LIN7A: variants seen among roughly 807,000 people sequenced by gnomAD.
LIN7A encodes the protein lin-7 cell polarity scaffold A, also known as protein lin-7 homolog A.
A neutral mutation model predicts 29.8 loss-of-function variants in LIN7A; 25 were observed. The observed-to-expected ratio is 0.84, with a 90% CI of 0.61 to 1.17. The LOEUF (loss-of-function observed/expected upper bound fraction) is 1.17, where lower values mean the gene tolerates loss of function less well. LIN7A is among the 50% of genes most tolerant of loss of function. LIN7A has a pLI of 0.00. For missense variants in LIN7A, 239 were observed against 287.0 expected (o/e 0.83, Z 1.21); for synonymous variants, 118 against 107.5 (o/e 1.10, Z -0.60).
At chr12:80,832,093 G>C (rs2121528078) in intron 4 of LIN7A, among the ~76,000 whole-genome samples, 1 of 152,270 alleles carries the variant, frequency 6.6e-6, no homozygotes, top group Middle Eastern at 3.4e-3. Flanking sequence ...AAAAAGAAGA[G>C]TGGTGAGGCT....
chr12:80,921,341 G>C (rs1877290350), intron 1 of LIN7A, among the ~76,000 whole-genome samples: 1 of 151,340 alleles, frequency 6.6e-6, no homozygotes, highest in African/African-American at 2.4e-5. Flanking sequence ...AGCCCAAATA[G>C]ACTAAAGCAG....
At chr12:80,818,416 G>A (rs1871637819) in intron 4 of LIN7A, among the ~76,000 whole-genome samples, 4 of 152,272 alleles carry the variant, frequency 2.6e-5, no homozygotes, top group Middle Eastern at 6.8e-3. Flanking sequence ...CAACATATCT[G>A]TTAAAAAGGT....
intron 5 of LIN7A, among the ~76,000 whole-genome samples, chr12:80,804,935 G>GC (rs550087505): frequency 0.016 from 2,505 of 152,136 alleles, 69 homozygotes; most frequent in African/African-American, 0.057. Context: ...ATCTGTTGAT[G>GC]GACACTTAGG....
chr12:80,864,775 G>A (rs1361645291), intron 2 of LIN7A, among the ~76,000 whole-genome samples: 1 of 152,154 alleles, frequency 6.6e-6, no homozygotes, highest in Non-Finnish European at 1.5e-5. Flanking sequence ...AGAGAAAGTA[G>A]GTCAGTTTTA....
At chr12:80,829,010 A>C (rs1592869505) in intron 4 of LIN7A, among the ~76,000 whole-genome samples, 1 of 152,198 alleles carries the variant, frequency 6.6e-6, no homozygotes, top group East Asian at 1.9e-4. Flanking sequence ...TTACATATTT[A>C]TTGTATATTT....
At position 80,807,075 on chromosome 12, in the gene LIN7A, T is replaced by TTTTTG. The variant is rs1565883786; in HGVS notation, c.*4389_*4390insCAAAA. On this transcript the variant is annotated intron_variant, in intron 5 of 5. Coordinates refer to ENST00000552864, the MANE Select transcript of LIN7A (RefSeq NM_004664.4). Reference sequence around the variant, plus strand: ...TAATGAAGATGGAGTTTTTTTTTTTTTTTTTTTTTTTTTTTTGACGGAGTC... The same window carrying TTTTTG: ...TAATGAAGATGGAGTTTTTTTTTTTTTTTTGTTTTTTTTTTTTTTTTGACGGAGTC... Among the ~76,000 whole-genome samples the TTTTTG allele has an allele frequency of 2.3e-4, 29 of 124,170 alleles. 1 individual carries two copies. The highest frequency in any genetic ancestry group is 5.2e-4 in the South Asian group (2 of 3,830). The allele number at this position is 124,170 out of a possible 152,430, so 81.5% of individuals were successfully genotyped here.
At chr12:80,835,993 T>A (rs2121531129) in intron 4 of LIN7A, among the ~76,000 whole-genome samples, 1 of 152,082 alleles carries the variant, frequency 6.6e-6, no homozygotes, top group South Asian at 2.1e-4. Flanking sequence ...CAAAAAATAA[T>A]AATAAGCTAA....
At chr12:80,851,009 T>G (rs1251079236) in intron 2 of LIN7A, among the ~76,000 whole-genome samples, 1 of 152,070 alleles carries the variant, frequency 6.6e-6, no homozygotes, top group Non-Finnish European at 1.5e-5. Context: ...CACAGCTAAT[T>G]TGTTGCAGAT....
chr12:80,812,414 A>T (rs928190700), intron 4 of LIN7A, among the ~76,000 whole-genome samples: 2 of 149,962 alleles, frequency 1.3e-5, no homozygotes, highest in Non-Finnish European at 3.0e-5. Flanking sequence ...ACGAAATCAG[A>T]TGTGCACAGT....
Position 80,795,691 on chromosome 12 carries a change from G to A in LIN7A, c.*2036C>T, listed in dbSNP as rs903408517. On this transcript the variant is annotated 3_prime_UTR_variant, in exon 6 of 6. Transcript: ENST00000552864. Reference sequence around the variant, plus strand: ...CAAGGGTTCAGTGATTTCCCTTCATGAGAATCCTGTGGCATTGCCTGAATA... The same window carrying A: ...CAAGGGTTCAGTGATTTCCCTTCATAAGAATCCTGTGGCATTGCCTGAATA... 1.3e-5 allele frequency: 2 copies of A among 152,094 alleles called. No individual in the cohort carries two copies. The highest frequency in any genetic ancestry group is 2.9e-5 in the Non-Finnish European group (2 of 67,972). 9.4% of individuals were successfully genotyped at this position (152,094 alleles called of 1,614,324 possible).
intron 5 of LIN7A, among the ~76,000 whole-genome samples, chr12:80,809,847 T>C (rs1389289581): frequency 6.6e-6 from 1 of 152,246 alleles, no homozygotes; most frequent in Non-Finnish European, 1.5e-5. Flanking sequence ...ATTTTATTTC[T>C]ACTTTACAAC....
In LIN7A at chr12:80,885,956, C is replaced by T. The variant is rs576656137; in HGVS notation, c.201+3295G>A. Among the ~76,000 whole-genome samples the T allele has an allele frequency of 3.9e-5, 6 of 152,128 alleles. No homozygotes were observed. In the East Asian group the frequency reaches 7.7e-4, roughly 20 times the overall value. On this transcript the variant is annotated intron_variant, in intron 2 of 5. Transcript: ENST00000552864. ...AAAAATATTTTTGGCAAAAGCTTGT[C>T]CTGCTTTCTTTTTTGAGCATAATTT...
At chr12:80,904,126 A>G (rs1455533115) in intron 1 of LIN7A, among the ~76,000 whole-genome samples, 1 of 152,176 alleles carries the variant, frequency 6.6e-6, no homozygotes, top group Non-Finnish European at 1.5e-5. Context: ...ATATAACTAA[A>G]TTAATAATTT....
In LIN7A at chr12:80,795,075, A is replaced by G. The variant is rs990594997; in HGVS notation, c.*2652T>C. On this transcript the variant is annotated 3_prime_UTR_variant, in exon 6 of 6. Transcript: ENST00000552864. The stretch of plus-strand genomic sequence containing the variant: ...CTAATTTGTTTATTACATTGAATTG[A>G]GCTTCATGTCAGAGCAATGCAGGTT... 2 of 152,278 alleles carry G rather than the reference A, an allele frequency of 1.3e-5. No homozygotes were observed. Among genetic ancestry groups the G allele is most frequent in the Admixed American group, 6.5e-5 (1 of 15,278 alleles). The allele number at this position is 152,278 out of a possible 1,614,324, so 9.4% of individuals were successfully genotyped here. A position where few individuals can be genotyped will look rare whatever the true frequency, so the allele number is the denominator to read the frequency against.
At chr12:80,888,740 A>C (rs769443838) in intron 2 of LIN7A, among the ~76,000 whole-genome samples, 1 of 152,140 alleles carries the variant, frequency 6.6e-6, no homozygotes. Context: ...TACTTGTTTC[A>C]CCTTAGTCTT....
At chr12:80,878,590 T>A (rs1460495988) in intron 2 of LIN7A, among the ~76,000 whole-genome samples, 6 of 152,116 alleles carry the variant, frequency 3.9e-5, no homozygotes, top group Non-Finnish European at 8.8e-5. Context: ...GAACAATACT[T>A]CCACAGTACG....
intron 1 of LIN7A, among the ~76,000 whole-genome samples, chr12:80,905,002 T>G (rs1222389344): frequency 6.6e-6 from 1 of 152,116 alleles, no homozygotes; most frequent in Non-Finnish European, 1.5e-5. Flanking sequence ...ATTACTTGCT[T>G]TTATCTGTAT....
chr12:80,846,259 G>A (rs1873072026), intron 3 of LIN7A, among the ~76,000 whole-genome samples: 1 of 152,066 alleles, frequency 6.6e-6, no homozygotes, highest in Non-Finnish European at 1.5e-5. Flanking sequence ...AAATAACTTT[G>A]TTATATGTAC....
chr12:80,833,363 C>T (rs1237350259), intron 4 of LIN7A, among the ~76,000 whole-genome samples: 2 of 152,172 alleles, frequency 1.3e-5, no homozygotes, highest in East Asian at 1.9e-4. Flanking sequence ...TTTATAGTCC[C>T]GTTACATCCA....
Sources: allele counts gnomAD v4.1 joint callset (sites outside exome capture counted in the v4.1 genomes callset), GRCh38; gene constraint gnomAD v4.1.1; transcripts MANE v1.5; gene names NCBI Gene and HGNC (gene_info 2026-07-23, HGNC 2026-07-21).